THSD4: variants seen among roughly 807,000 people sequenced by gnomAD.
The protein encoded by THSD4 is thrombospondin type 1 domain containing 4, also known as thrombospondin type-1 domain-containing protein 4.
THSD4 carries 69 observed loss-of-function variants against 119.0 expected under a neutral mutation model. That is an observed-to-expected ratio of 0.58 (90% CI 0.48 to 0.71). The LOEUF (loss-of-function observed/expected upper bound fraction) is 0.71, where lower values mean the gene tolerates loss of function less well. Ranked by LOEUF, THSD4 falls within the 30% of genes least tolerant of loss-of-function variation. THSD4 has a pLI of 0.00. For synonymous variants in THSD4, 524 were observed against 540.4 expected, an observed-to-expected ratio of 0.97 and a Z score of 0.42; for missense variants, 1,393 against 1,391.1, an observed-to-expected ratio of 1.00 and a Z score of -0.02.
At chr15:71,739,542 G>A (rs2053194936) in intron 11 of THSD4, among the ~76,000 whole-genome samples, 1 of 152,120 alleles carries the variant, frequency 6.6e-6, no homozygotes, top group African/African-American at 2.4e-5. Flanking sequence ...CCCTTTATCT[G>A]ACATTCCATA....
chr15:71,459,013 TTATAA>T (rs1462208664), intron 7 of THSD4, among the ~76,000 whole-genome samples: 4 of 152,156 alleles, frequency 2.6e-5, no homozygotes, highest in Admixed American at 1.3e-4. Flanking sequence ...TATGTTTTAT[TTATAA>T]TTAACACTTG....
intron 8 of THSD4, among the ~76,000 whole-genome samples, chr15:71,673,130 G>T (rs576698693): frequency 6.6e-6 from 1 of 152,272 alleles, no homozygotes; most frequent in African/African-American, 2.4e-5. Flanking sequence ...GACTTTTTCT[G>T]GTTGGCAGGC....
At chr15:71,135,101 G>C (rs2040537089) in intron 1 of THSD4, among the ~76,000 whole-genome samples, 1 of 144,082 alleles carries the variant, frequency 6.9e-6, no homozygotes, top group Non-Finnish European at 1.5e-5. Flanking sequence ...ATCATTCTCA[G>C]TAAACTATTG....
intron 7 of THSD4, among the ~76,000 whole-genome samples, chr15:71,630,043 T>C (rs2050592967): frequency 6.6e-6 from 1 of 152,228 alleles, no homozygotes; most frequent in African/African-American, 2.4e-5. Flanking sequence ...TTTTCCACTT[T>C]CCAAGCATCA....
chr15:71,299,446 T>G (rs538478917), intron 6 of THSD4, among the ~76,000 whole-genome samples: 1 of 152,216 alleles, frequency 6.6e-6, no homozygotes, highest in Non-Finnish European at 1.5e-5. Flanking sequence ...GAGGACTTTA[T>G]GCTAAGTGAA....
intron 5 of THSD4, among the ~76,000 whole-genome samples, chr15:71,244,525 G>C (rs2044182630): frequency 6.6e-6 from 1 of 152,124 alleles, no homozygotes; most frequent in African/African-American, 2.4e-5. Context: ...TTCTTCCACT[G>C]TCAGACTTCA....
intron 7 of THSD4, among the ~76,000 whole-genome samples, chr15:71,467,237 G>A (rs867961044): frequency 1.3e-5 from 2 of 152,212 alleles, no homozygotes; most frequent in South Asian, 4.1e-4. Flanking sequence ...ATCATGAGAG[G>A]TGTGGAAGGA....
intron 8 of THSD4, among the ~76,000 whole-genome samples, chr15:71,721,475 T>C (rs145056969): frequency 3.2e-4 from 49 of 151,020 alleles, no homozygotes; most frequent in African/African-American, 1.2e-3. Flanking sequence ...GCCACTGCAC[T>C]CCAGCCTAGT....
intron 6 of THSD4, among the ~76,000 whole-genome samples, chr15:71,377,985 C>T (rs537962757): frequency 6.6e-6 from 1 of 151,934 alleles, no homozygotes; most frequent in South Asian, 2.1e-4. Context: ...CCATTTTCCA[C>T]CTACTTATAG....
chr15:71,214,658 A>G (rs956411498), intron 3 of THSD4, among the ~76,000 whole-genome samples: 5 of 152,208 alleles, frequency 3.3e-5, no homozygotes, highest in African/African-American at 1.2e-4. Context: ...GTGTCCATCC[A>G]GTTCCTTGCC....
chr15:71,159,552 T>C (rs912967356), intron 3 of THSD4, among the ~76,000 whole-genome samples: 61 of 152,154 alleles, frequency 4.0e-4, no homozygotes, highest in African/African-American at 1.4e-3. Context: ...TGTGTACCAT[T>C]GTTAATGTAA....
chr15:71,778,208 T>A lies in THSD4; in HGVS notation c.*834T>A, dbSNP rs565684131. The A allele has an allele frequency of 6.6e-5, 10 of 152,436 alleles. No individual in the cohort carries two copies. Among genetic ancestry groups the A allele is most frequent in the African/African-American group, 2.4e-4 (10 of 41,578 alleles). The allele number at this position is 152,436 out of a possible 1,614,324, so 9.4% of individuals were successfully genotyped here. On this transcript the variant is annotated 3_prime_UTR_variant, in exon 18 of 18. Coordinates refer to ENST00000261862, the MANE Select transcript of THSD4 (RefSeq NM_024817.3). ...CAAGAGACTGAGAAGTTTCCCAGAA[T>A]GCAAACAAAGCCCAGGCCCCTGAAA...
intron 7 of THSD4, among the ~76,000 whole-genome samples, chr15:71,659,980 G>A (rs757375428): frequency 3.2e-4 from 49 of 152,072 alleles, no homozygotes; most frequent in Non-Finnish European, 6.0e-4. Flanking sequence ...GTGCTCTGGG[G>A]TAACCAAGGA....
rs576182411 is a variant in THSD4, at chr15:71,217,209, C to T, written c.464+1810C>T. Among the ~76,000 whole-genome samples the T allele has an allele frequency of 5.3e-4, 80 of 152,280 alleles. 2 individuals carry two copies. In the South Asian group the frequency reaches 0.015, roughly 28 times the overall value. On this transcript the variant is annotated intron_variant, in intron 4 of 17. Transcript: ENST00000261862. ...CACATGTTAATAGCATTTCTTCCGT[C>T]GTATGGGACAGCATCCCATAATCAA... is the stretch of plus-strand genomic sequence containing the variant.
At chr15:71,296,828 C>CA (rs766662560) in intron 6 of THSD4, among the ~76,000 whole-genome samples, 7 of 152,160 alleles carry the variant, frequency 4.6e-5, no homozygotes, top group Non-Finnish European at 8.8e-5. Context: ...CCGACCCTGC[C>CA]ATTTATTAGC....
At chr15:71,600,383 T>TACA (rs1179216042) in intron 7 of THSD4, among the ~76,000 whole-genome samples, 1 of 152,236 alleles carries the variant, frequency 6.6e-6, no homozygotes, top group African/African-American at 2.4e-5. Flanking sequence ...ATTCTTGTCA[T>TACA]TGTCTTCTTT....
chr15:71,543,673 G>A (rs931804588), intron 7 of THSD4, among the ~76,000 whole-genome samples: 1 of 152,214 alleles, frequency 6.6e-6, no homozygotes, highest in African/African-American at 2.4e-5. Context: ...TATCCATTAG[G>A]CAACTGGGTA....
chr15:71,102,057 C>T (rs1349109872), intron 1 of THSD4, among the ~76,000 whole-genome samples: 1 of 152,096 alleles, frequency 6.6e-6, no homozygotes, highest in East Asian at 1.9e-4. Context: ...ATTCTACTTC[C>T]CTCCAGCTTC....
intron 5 of THSD4, among the ~76,000 whole-genome samples, chr15:71,249,229 C>CAT (rs1437935206): frequency 6.6e-6 from 1 of 151,880 alleles, no homozygotes; most frequent in Admixed American, 6.6e-5. Context: ...CATGTGTGTG[C>CAT]ATATATATAC....
Sources: gnomAD v4.1 joint callset for allele counts (sites outside exome capture counted in the v4.1 genomes callset) on GRCh38, gnomAD v4.1.1 for gene constraint, MANE v1.5 for transcripts, NCBI Gene and HGNC (gene_info 2026-07-23, HGNC 2026-07-21) for gene names.